The following DDX19B variants were observed in gnomAD, a reference collection of about 807,000 sequenced individuals.
The protein encoded by DDX19B is DEAD-box helicase 19B.
Under a neutral mutation model 58.1 loss-of-function variants are expected in DDX19B, and 27 were observed. The ratio of observed to expected loss-of-function variants is 0.46; its 90% CI spans 0.34 to 0.64. DDX19B has a LOEUF of 0.64. DDX19B is among the 30% of genes least tolerant of loss of function. The pLI, the probability that DDX19B is intolerant of heterozygous loss-of-function variation, is 0.01. For missense variants in DDX19B, 399 were observed against 596.5 expected, an observed-to-expected ratio of 0.67 and a Z score of 3.45; for synonymous variants, 187 against 214.4, an observed-to-expected ratio of 0.87 and a Z score of 1.12.
At chr16:70,294,713 C>T, upstream of DDX19B, 1 of 574,128 alleles carries the variant, frequency 1.7e-6, no homozygotes, top group Non-Finnish European at 2.8e-6. Flanking sequence ...GTTCCTGGGG[C>T]GCGTGCCCGA....
At chr16:70,295,058 A>C, upstream of DDX19B, 7 of 1,292,436 alleles carry the variant, frequency 5.4e-6, no homozygotes, top group Non-Finnish European at 6.9e-6. Flanking sequence ...AGAATCCGCC[A>C]TCTGTGAGGT....
In DDX19B at chr16:70,304,753, CT is replaced by C. The variant is rs529949603; in HGVS notation, c.57+5409del. On this transcript the variant is annotated intron_variant, in intron 1 of 11. Coordinates refer to ENST00000288071, the MANE Select transcript of DDX19B (RefSeq NM_007242.7). ...TTTCTTCTGTTTTTCATCTTTGTCT[CT>C]TTTTTTTTTCTTTCTTTCTTTCTAT... 1.9e-3 allele frequency among the ~76,000 whole-genome samples: 289 copies of C among 149,708 alleles called. 1 individual carries two copies. Among genetic ancestry groups the C allele is most frequent in the African/African-American group, 6.3e-3 (260 of 40,950 alleles).
At chr16:70,329,701 G>C in intron 8 of DDX19B, 130 bp from the exon 9 acceptor site, 1 of 1,341,676 alleles carries the variant, frequency 7.5e-7, no homozygotes, top group South Asian at 1.4e-5. Context: ...CAGGCCTGCT[G>C]CTCCTCCTCC....
chr16:70,290,087 G>A (rs1256615143), upstream of DDX19B: 1 of 280,402 alleles, frequency 3.6e-6, no homozygotes, highest in African/African-American at 2.2e-5. Context: ...GGGGGAGGAG[G>A]GTGAATATAT....
chr16:70,305,829 C>T (rs1248138385), intron 1 of DDX19B, among the ~76,000 whole-genome samples: 1 of 151,264 alleles, frequency 6.6e-6, no homozygotes, highest in Non-Finnish European at 1.5e-5. Flanking sequence ...GGCGCAATCT[C>T]GGCTCACTGC....
chr16:70,289,891 T>C (rs1330924746), upstream of DDX19B: 6 of 375,946 alleles, frequency 1.6e-5, no homozygotes, highest in Non-Finnish European at 3.2e-5. Context: ...GCTATAGTTG[T>C]TTATTTTAGT....
rs1350349363 is a variant in DDX19B at position 70,317,670 on chromosome 16, G to A, written c.389+82G>A. On this transcript the variant is annotated intron_variant, in intron 5 of 11. Transcript: ENST00000288071. The stretch of plus-strand genomic sequence containing the variant: ...TATTATTTTCACAGGCCAGCAAGGT[G>A]GCTTATGCCTATAATCCCAGCAACC... 9 of 1,288,634 alleles carry A rather than the reference G, an allele frequency of 7.0e-6. No homozygotes were observed. The East Asian group carries it at 2.3e-4, about 32-fold the overall frequency. 79.8% of individuals were successfully genotyped at this position (1,288,634 alleles called of 1,614,324 possible). A position where few individuals can be genotyped will look rare whatever the true frequency, so the allele number is the denominator to read the frequency against.
Position 70,329,350 on chromosome 16 carries a change from G to A in DDX19B, c.666G>A (p.Leu222=). 2 of 1,614,124 alleles carry A rather than the reference G, an allele frequency of 1.2e-6. No homozygotes were observed. The highest frequency in any genetic ancestry group is 1.7e-6 in the Non-Finnish European group (2 of 1,180,016). The change falls in exon 8 of 12, where the codon CTG becomes CTA. Residue 222 remains leucine, a synonymous_variant. Transcript: ENST00000288071. ...TCATTGGCACCCCTGGGACTGTGCT[G>A]GACTGGTGCTCCAAGCTCAAGTTCA... ...QIVIGTPGTV[L]DWCSKLKFID... is the part of the protein sequence containing the mutation.
intron 5 of DDX19B, among the ~76,000 whole-genome samples, chr16:70,323,820 T>C (rs1962987353): frequency 6.6e-6 from 1 of 152,078 alleles, no homozygotes; most frequent in Admixed American, 6.6e-5. Context: ...TACATCTTGT[T>C]TTTTTTAGGC....
intron 1 of DDX19B, among the ~76,000 whole-genome samples, chr16:70,305,701 A>T (rs778249409): frequency 2.6e-5 from 4 of 152,102 alleles, no homozygotes; most frequent in Non-Finnish European, 5.9e-5. Context: ...GTAGAGATAA[A>T]TATGTGTTTC....
chr16:70,296,153 A>G (rs1961212339), upstream of DDX19B, among the ~76,000 whole-genome samples: 1 of 151,670 alleles, frequency 6.6e-6, no homozygotes, highest in Non-Finnish European at 1.5e-5. Flanking sequence ...ACAGGCACCC[A>G]CCACCATGCT....
chr16:70,298,636 G>A (rs1961321183), upstream of DDX19B, among the ~76,000 whole-genome samples: 1 of 151,882 alleles, frequency 6.6e-6, no homozygotes, highest in Non-Finnish European at 1.5e-5. Context: ...TTACATGCAT[G>A]AGCCACCGCA....
chr16:70,327,054 T>A (rs544869819), intron 7 of DDX19B, among the ~76,000 whole-genome samples: 82 of 150,188 alleles, frequency 5.5e-4, no homozygotes, highest in African/African-American at 2.0e-3. Flanking sequence ...CAGGATGGTC[T>A]CTATCTGCTG....
At chr16:70,302,238 A>T (rs528886451) in intron 1 of DDX19B, among the ~76,000 whole-genome samples, 34 of 152,252 alleles carry the variant, frequency 2.2e-4, no homozygotes, top group Admixed American at 5.2e-4. Flanking sequence ...TAATTTTTTT[A>T]AAAGTCAGGT....
rs567382414 is a variant in DDX19B at position 70,334,235 on chromosome 16, C to A, written c.*653C>A. On this transcript the variant is annotated 3_prime_UTR_variant, in exon 12 of 12. Transcript: ENST00000288071. ...ATGGGTTTGTGTCACAGGACTGTGA[C>A]CTGTTCTCGGTGGGTGCAGTCTGTG... 6.5e-6 allele frequency: 1 copy of A among 154,304 alleles called. No homozygotes were observed. The highest frequency in any genetic ancestry group is 2.0e-4 in the South Asian group (1 of 4,896). The allele number at this position is 154,304 out of a possible 1,614,324, so 9.6% of individuals were successfully genotyped here. A position where few individuals can be genotyped will look rare whatever the true frequency, so the allele number is the denominator to read the frequency against.
chr16:70,312,148 G>T (rs1487232393), intron 1 of DDX19B, among the ~76,000 whole-genome samples: 2 of 152,066 alleles, frequency 1.3e-5, no homozygotes, highest in Admixed American at 6.6e-5. Flanking sequence ...CTTTACAGAT[G>T]CTTTTCATCA....
Position 70,323,366 on chromosome 16 carries a change from G to A in DDX19B, c.390-1219G>A, listed in dbSNP as rs961862065. 4.6e-5 allele frequency among the ~76,000 whole-genome samples: 7 copies of A among 151,640 alleles called. No homozygotes were observed. The South Asian group carries it at 8.4e-4, about 18-fold the overall frequency. ...AAGAAATCACCCACCTCAACCTCCC[G>A]AAGTGCTGAGATTGCAGGCATGAGC... On this transcript the variant is annotated intron_variant, in intron 5 of 11. Transcript: ENST00000288071.
upstream of DDX19B, chr16:70,295,159 T>TATTCCCCG: frequency 1.0e-6 from 1 of 994,480 alleles, no homozygotes; most frequent in East Asian, 3.4e-5. Flanking sequence ...CAGATGCTCT[T>TATTCCCCG]ATTCCCCGAA....
At chr16:70,330,969 C>T (rs1273618825) in intron 9 of DDX19B, among the ~76,000 whole-genome samples, 1 of 152,008 alleles carries the variant, frequency 6.6e-6, no homozygotes, top group East Asian at 1.9e-4. Context: ...TGATTGAGCC[C>T]AGGAGGTTGA....
Sources: allele counts gnomAD v4.1 joint callset (sites outside exome capture counted in the v4.1 genomes callset), GRCh38; gene constraint gnomAD v4.1.1; transcripts MANE v1.5; gene names NCBI Gene and HGNC (gene_info 2026-07-23, HGNC 2026-07-21).